Variants in EXOC6 observed in about 807,000 individuals in gnomAD.
EXOC6 encodes exocyst complex component 6.
A neutral mutation model predicts 112.5 loss-of-function variants in EXOC6; 60 were observed. That is an observed-to-expected ratio of 0.53 (90% CI 0.43 to 0.66). The LOEUF is 0.66. Among genes scored for constraint, EXOC6 ranks in the 30% least tolerant of loss-of-function variants. The probability of loss-of-function intolerance (pLI) is 0.00; values close to 1 mark genes in which losing one functional copy is unlikely to be tolerated. For missense variants in EXOC6, 855 were observed against 957.1 expected (o/e 0.89, Z 1.41); for synonymous variants, 295 against 308.0 (o/e 0.96, Z 0.44).
At chr10:92,907,810 G>A (rs1433909652) in intron 5 of EXOC6, among the ~76,000 whole-genome samples, 3 of 151,876 alleles carry the variant, frequency 2.0e-5, no homozygotes, top group Non-Finnish European at 4.4e-5. Flanking sequence ...AATATCTCAG[G>A]TATTATCAAA....
At chr10:93,057,917 G>A (rs1218263950) in intron 21 of EXOC6, among the ~76,000 whole-genome samples, 2 of 151,714 alleles carry the variant, frequency 1.3e-5, no homozygotes, top group African/African-American at 2.4e-5. Context: ...GTCTATACAG[G>A]GTATGTATTT....
intron 19 of EXOC6, chr10:92,999,522 G>C: frequency 4.4e-6 from 1 of 224,910 alleles, no homozygotes; most frequent in Non-Finnish European, 8.9e-6. Context: ...AGACATTTTC[G>C]TGTTACAGTA....
In EXOC6 at chr10:92,848,654, G is replaced by A. The variant is rs1343737655; in HGVS notation, c.101+20G>A. ...CCTCCGGTAAAGATCTCATCCCACC[G>A]GGACTTCGGCCCCCCGCCCCACGCC... On this transcript the variant is annotated intron_variant, in intron 1 of 21. Transcript: ENST00000260762. 2 of 1,348,896 alleles carry A rather than the reference G, an allele frequency of 1.5e-6. No individual in the cohort carries two copies. Among genetic ancestry groups the A allele is most frequent in the African/African-American group, 1.5e-5 (1 of 64,852 alleles). 83.6% of individuals were successfully genotyped at this position (1,348,896 alleles called of 1,614,324 possible).
chr10:93,023,466 A>G (rs1052642603), intron 20 of EXOC6, among the ~76,000 whole-genome samples: 1 of 152,240 alleles, frequency 6.6e-6, no homozygotes, highest in African/African-American at 2.4e-5. Context: ...AGTTATCTCA[A>G]CAACATCTTA....
At chr10:93,045,021 C>T (rs11187258) in intron 20 of EXOC6, among the ~76,000 whole-genome samples, 12,997 of 128,448 alleles carry the variant, frequency 0.1, 610 homozygotes, top group Admixed American at 0.17. Flanking sequence ...TACAGGTACC[C>T]GCCACCACGC....
chr10:92,923,405 A>G (rs1851549821), intron 8 of EXOC6, among the ~76,000 whole-genome samples: 1 of 152,230 alleles, frequency 6.6e-6, no homozygotes, highest in Non-Finnish European at 1.5e-5. Flanking sequence ...AAACATTATT[A>G]TTCCACAGTG....
At chr10:93,038,233 TC>T (rs1845606388) in intron 20 of EXOC6, among the ~76,000 whole-genome samples, 2 of 152,018 alleles carry the variant, frequency 1.3e-5, no homozygotes, top group African/African-American at 4.8e-5. Context: ...TAACCACAAT[TC>T]CTATTTTCAG....
At chr10:92,985,727 T>C (rs1299760636) in intron 18 of EXOC6, among the ~76,000 whole-genome samples, 2 of 152,176 alleles carry the variant, frequency 1.3e-5, no homozygotes, top group Admixed American at 1.3e-4. Flanking sequence ...CTCTGCACTT[T>C]TCTGCCCTTT....
chr10:92,968,166 C>G (rs1842142647), intron 17 of EXOC6, among the ~76,000 whole-genome samples: 1 of 144,928 alleles, frequency 6.9e-6, no homozygotes, highest in African/African-American at 2.6e-5. Flanking sequence ...CCCCTTTCCA[C>G]TGGTTAGTGT....
chr10:92,919,686 C>G (rs1485485499), intron 7 of EXOC6, among the ~76,000 whole-genome samples: 1 of 152,074 alleles, frequency 6.6e-6, no homozygotes, highest in African/African-American at 2.4e-5. Context: ...TTATCCATAG[C>G]AGTTTTCTGT....
At chr10:92,977,396 T>C (rs1842666806) in intron 18 of EXOC6, among the ~76,000 whole-genome samples, 1 of 152,126 alleles carries the variant, frequency 6.6e-6, no homozygotes, top group Admixed American at 6.5e-5. Flanking sequence ...TTTAAAGAGA[T>C]TGTCATCATG....
At chr10:93,014,122 T>C in intron 19 of EXOC6, 72 bp from the exon 20 acceptor site, 1 of 1,096,050 alleles carries the variant, frequency 9.1e-7, no homozygotes, top group Non-Finnish European at 1.3e-6. Context: ...TGAGTAGAAA[T>C]TAATTTATCA....
intron 18 of EXOC6, among the ~76,000 whole-genome samples, chr10:92,988,333 A>T (rs887553298): frequency 6.6e-6 from 1 of 152,222 alleles, no homozygotes; most frequent in East Asian, 1.9e-4. Flanking sequence ...TATTCTTTGA[A>T]TGTATAAATA....
At chr10:93,047,828 C>T (rs1846074898) in intron 20 of EXOC6, among the ~76,000 whole-genome samples, 1 of 152,046 alleles carries the variant, frequency 6.6e-6, no homozygotes, top group Non-Finnish European at 1.5e-5. Context: ...TTCCTGTAAT[C>T]CCAGCTACTC....
chr10:92,991,930 G>A (rs908388223), intron 18 of EXOC6, among the ~76,000 whole-genome samples: 1 of 152,142 alleles, frequency 6.6e-6, no homozygotes, highest in Non-Finnish European at 1.5e-5. Context: ...AGTAGTTAGA[G>A]ATGGACAGAA....
chr10:93,018,011 A>C (rs1380107147), intron 20 of EXOC6, among the ~76,000 whole-genome samples: 1 of 91,356 alleles, frequency 1.1e-5, no homozygotes, highest in Non-Finnish European at 2.3e-5. Flanking sequence ...ACTCTGTCTC[A>C]AAAAAAAAAA....
intron 18 of EXOC6, among the ~76,000 whole-genome samples, chr10:92,982,474 AT>A (rs1226052011): frequency 1.0e-5 from 1 of 98,188 alleles, no homozygotes; most frequent in Non-Finnish European, 2.0e-5. Flanking sequence ...TGATTAGACC[AT>A]TTTTTTAAAA....
intron 19 of EXOC6, among the ~76,000 whole-genome samples, chr10:93,013,279 G>GT (rs1844340759): frequency 1.3e-5 from 2 of 151,962 alleles, no homozygotes; most frequent in African/African-American, 2.4e-5. Flanking sequence ...TTCTCGTTGA[G>GT]ATTTTTTTTT....
chr10:92,940,367 C>G lies in EXOC6; in HGVS notation c.1213-360C>G, dbSNP rs1241553489. ...GCCTGTCTCAGACAGAATCCATTCC[C>G]TTTTCTTCTTGTATCCTTGGGCACC... is the stretch of plus-strand genomic sequence containing the variant. On this transcript the variant is annotated intron_variant, in intron 12 of 21. Coordinates refer to ENST00000260762, the MANE Select transcript of EXOC6 (RefSeq NM_019053.6). Among the ~76,000 whole-genome samples the G allele has an allele frequency of 3.3e-5, 5 of 152,180 alleles. No homozygotes were observed. The East Asian group carries it at 7.7e-4, about 24-fold the overall frequency.
Sources: gnomAD v4.1 joint callset for allele counts (sites outside exome capture counted in the v4.1 genomes callset) on GRCh38, gnomAD v4.1.1 for gene constraint, MANE v1.5 for transcripts, NCBI Gene and HGNC (gene_info 2026-07-23, HGNC 2026-07-21) for gene names.